The following PRKN variants were observed in gnomAD, a reference collection of about 807,000 sequenced individuals.
The protein encoded by PRKN is parkin RBR E3 ubiquitin protein ligase.
A neutral mutation model predicts 59.5 loss-of-function variants in PRKN; 56 were observed. The ratio of observed to expected loss-of-function variants is 0.94; its 90% CI spans 0.76 to 1.18. PRKN has a LOEUF of 1.18. Ranked by LOEUF, PRKN falls within the 50% of genes most tolerant of loss-of-function variation. PRKN has a pLI of 0.00. For missense variants in PRKN, 657 were observed against 596.4 expected, an observed-to-expected ratio of 1.10 and a Z score of -1.06; for synonymous variants, 250 against 222.1, an observed-to-expected ratio of 1.13 and a Z score of -1.12.
intron 7 of PRKN, among the ~76,000 whole-genome samples, chr6:161,760,132 T>C (rs1789130449): frequency 6.7e-6 from 1 of 150,356 alleles, no homozygotes; most frequent in South Asian, 2.1e-4. Flanking sequence ...TTTCTATTTA[T>C]ATCGTCCACT....
chr6:162,116,401 T>A (rs1780674234), intron 4 of PRKN, among the ~76,000 whole-genome samples: 1 of 152,164 alleles, frequency 6.6e-6, no homozygotes, highest in Admixed American at 6.5e-5. Context: ...GCATTATGAT[T>A]CTGGCATGAA....
intron 6 of PRKN, among the ~76,000 whole-genome samples, chr6:161,819,198 C>T (rs962244380): frequency 1.3e-5 from 2 of 151,898 alleles, no homozygotes; most frequent in East Asian, 1.9e-4. Flanking sequence ...GATGTGATAC[C>T]CTTTAAAAAT....
chr6:161,658,138 C>T (rs1184277296), intron 7 of PRKN, among the ~76,000 whole-genome samples: 1 of 151,936 alleles, frequency 6.6e-6, no homozygotes, highest in Non-Finnish European at 1.5e-5. Context: ...TTTCCATTTA[C>T]CTTGCATGAT....
Position 162,113,045 on chromosome 6 carries a change from C to T in PRKN, c.535-58871G>A, listed in dbSNP as rs529182505. 5.3e-5 allele frequency among the ~76,000 whole-genome samples: 8 copies of T among 152,298 alleles called. No homozygotes were observed. In the East Asian group the frequency reaches 1.5e-3, roughly 29 times the overall value. On this transcript the variant is annotated intron_variant, in intron 4 of 11. Transcript: ENST00000366898. ...TTTCATGAAAATGGAAGCAGGCTTT[C>T]ATGAAAACAGTCTTCAAGTTCATGT...
At chr6:161,827,732 T>C (rs192648360) in intron 6 of PRKN, among the ~76,000 whole-genome samples, 50 of 152,276 alleles carry the variant, frequency 3.3e-4, no homozygotes, top group African/African-American at 1.1e-3. Flanking sequence ...GCTCTTGAAC[T>C]CCTGACCTTA....
At chr6:162,692,333 C>T (rs749429633) in intron 1 of PRKN, among the ~76,000 whole-genome samples, 20 of 152,146 alleles carry the variant, frequency 1.3e-4, no homozygotes, top group Non-Finnish European at 2.1e-4. Flanking sequence ...TCTTGACAAG[C>T]TCCTGGGATA....
chr6:161,910,346 C>T (rs902218234), intron 6 of PRKN, among the ~76,000 whole-genome samples: 1 of 152,130 alleles, frequency 6.6e-6, no homozygotes, highest in Non-Finnish European at 1.5e-5. Flanking sequence ...CCTCCACCTC[C>T]TGGGTTCAAG....
chr6:162,383,878 T>C (rs947252749), intron 2 of PRKN, among the ~76,000 whole-genome samples: 1 of 152,214 alleles, frequency 6.6e-6, no homozygotes, highest in Non-Finnish European at 1.5e-5. Flanking sequence ...TCACCTTACA[T>C]GTCTATGCAG....
At chr6:161,981,952 C>A (rs1781273209) in intron 5 of PRKN, among the ~76,000 whole-genome samples, 1 of 152,166 alleles carries the variant, frequency 6.6e-6, no homozygotes, top group Non-Finnish European at 1.5e-5. Context: ...TCAATATACT[C>A]CACACAAAGC....
In PRKN at chr6:162,234,097, G is replaced by C. The variant is rs118071731; in HGVS notation, c.412+28428C>G. ...GAAAAAGATGCAGCTCAGAATCATAGTATTGAACCTAACATAGGATGGGGG... is the reference window on the plus strand; with the variant it reads ...GAAAAAGATGCAGCTCAGAATCATACTATTGAACCTAACATAGGATGGGGG... On this transcript the variant is annotated intron_variant, in intron 3 of 11. Transcript: ENST00000366898. Among the ~76,000 whole-genome samples the C allele has an allele frequency of 1.6e-4, 25 of 152,292 alleles. No homozygotes were observed. In the East Asian group the frequency reaches 4.6e-3, roughly 28 times the overall value.
rs907462213 is a variant in PRKN, at chr6:161,362,349, T to C, written c.1168-2144A>G. Among the ~76,000 whole-genome samples the C allele has an allele frequency of 5.3e-5, 8 of 152,302 alleles. No individual in the cohort carries two copies. The highest frequency in any genetic ancestry group is 2.6e-4 in the Admixed American group (4 of 15,306). ...CCTGGCATTTGCTGTGGGGCTATCT[T>C]CTTAGTCCCGCGCTGCCCATCATCT... On this transcript the variant is annotated intron_variant, in intron 10 of 11. Coordinates refer to ENST00000366898, the MANE Select transcript of PRKN (RefSeq NM_004562.3). This position sits in a 1 kb window ranked among gnomAD's most constrained non-coding sequence, Gnocchi z 5.2.
intron 4 of PRKN, among the ~76,000 whole-genome samples, chr6:162,098,386 T>C (rs1410752538): frequency 2.0e-5 from 3 of 152,170 alleles, no homozygotes; most frequent in Non-Finnish European, 4.4e-5. Context: ...TAAAAATTAA[T>C]ATAAATGAAA....
chr6:162,282,159 G>A (rs1016826906), intron 2 of PRKN, among the ~76,000 whole-genome samples: 4 of 152,162 alleles, frequency 2.6e-5, no homozygotes, highest in South Asian at 2.1e-4. Flanking sequence ...ATAGAGCAAC[G>A]CATGGGCAAA....
chr6:161,931,956 C>A (rs1054241165), intron 6 of PRKN, among the ~76,000 whole-genome samples: 4 of 152,122 alleles, frequency 2.6e-5, no homozygotes, highest in Non-Finnish European at 5.9e-5. Context: ...CCATCGAAGG[C>A]AATGCTATCA....
At chr6:162,660,985 G>C (rs910252030) in intron 1 of PRKN, among the ~76,000 whole-genome samples, 2 of 152,102 alleles carry the variant, frequency 1.3e-5, no homozygotes, top group African/African-American at 4.8e-5. Flanking sequence ...GGGAGGGCCG[G>C]GTACGGTGCC....
chr6:161,766,530 G>A (rs572733506), intron 7 of PRKN, among the ~76,000 whole-genome samples: 3 of 152,002 alleles, frequency 2.0e-5, no homozygotes, highest in South Asian at 2.1e-4. Context: ...GGATGGTCTC[G>A]ATTTCTTGAC....
intron 6 of PRKN, among the ~76,000 whole-genome samples, chr6:161,896,347 T>C (rs1395344886): frequency 6.6e-6 from 1 of 152,204 alleles, no homozygotes; most frequent in Non-Finnish European, 1.5e-5. Flanking sequence ...CCCTGTCTTT[T>C]AGATCACTCT....
At chr6:162,647,402 C>T (rs928619235) in intron 1 of PRKN, among the ~76,000 whole-genome samples, 2 of 152,074 alleles carry the variant, frequency 1.3e-5, no homozygotes, top group African/African-American at 4.8e-5. Flanking sequence ...CTTAACAAAT[C>T]TTAACACTCA....
At chr6:161,930,561 A>G (rs1475028882) in intron 6 of PRKN, among the ~76,000 whole-genome samples, 2 of 152,226 alleles carry the variant, frequency 1.3e-5, no homozygotes, top group East Asian at 1.9e-4. Context: ...GTTCTTGCCC[A>G]TTGTAGAAAC....
Sources: gnomAD v4.1 joint callset for allele counts (sites outside exome capture counted in the v4.1 genomes callset) on GRCh38, gnomAD v4.1.1 for gene constraint, Gnocchi (gnomAD v3.1) non-coding constraint, MANE v1.5 for transcripts, NCBI Gene and HGNC (gene_info 2026-07-23, HGNC 2026-07-21) for gene names.